The following ZNF385D variants were observed in gnomAD, a reference collection of about 807,000 sequenced individuals.
ZNF385D encodes zinc finger protein 385D, also known as zinc finger protein 659.
A neutral mutation model predicts 35.8 loss-of-function variants in ZNF385D; 15 were observed. The observed-to-expected ratio is 0.42, with a 90% confidence interval of 0.28 to 0.64. ZNF385D has a LOEUF of 0.64. ZNF385D is among the 30% of genes least tolerant of loss of function. The probability of loss-of-function intolerance (pLI) is 0.23; values close to 1 mark genes in which losing one functional copy is unlikely to be tolerated. For missense variants in ZNF385D, 474 were observed against 494.6 expected (o/e 0.96, Z 0.39); for synonymous variants, 212 against 186.8 (o/e 1.13, Z -1.10).
chr3:21,909,267 G>C (rs560691633), intron 3 of ZNF385D, among the ~76,000 whole-genome samples: 1 of 152,024 alleles, frequency 6.6e-6, no homozygotes, highest in South Asian at 2.1e-4. Flanking sequence ...CTCTGTCACT[G>C]CACAAAATAC....
chr3:21,902,582 G>A (rs979674295), intron 3 of ZNF385D, among the ~76,000 whole-genome samples: 1 of 152,146 alleles, frequency 6.6e-6, no homozygotes, highest in South Asian at 2.1e-4. Context: ...GGTTCTCCAG[G>A]AGTAGAAATT....
chr3:21,548,275 C>G (rs1312271464), intron 3 of ZNF385D, among the ~76,000 whole-genome samples: 1 of 152,272 alleles, frequency 6.6e-6, no homozygotes, highest in Admixed American at 6.5e-5. Context: ...CTGTTTCTAC[C>G]TTCATTTCCT....
chr3:22,290,609 C>T (rs566431646), intron 2 of ZNF385D, among the ~76,000 whole-genome samples: 9 of 152,280 alleles, frequency 5.9e-5, no homozygotes, highest in African/African-American at 2.2e-4. Flanking sequence ...GCCCCTCCTT[C>T]TTGTTCTGTC....
At chr3:21,792,985 G>A (rs1575659341) in intron 3 of ZNF385D, among the ~76,000 whole-genome samples, 1 of 152,238 alleles carries the variant, frequency 6.6e-6, no homozygotes, top group Non-Finnish European at 1.5e-5. Flanking sequence ...CCTACATAAT[G>A]CAAATAACAT....
chr3:22,244,394 G>GA (rs1699663916), intron 2 of ZNF385D, among the ~76,000 whole-genome samples: 1 of 92,668 alleles, frequency 1.1e-5, no homozygotes, highest in African/African-American at 4.0e-5. Flanking sequence ...AAAAAAAAAT[G>GA]AAAACATAAA....
intron 2 of ZNF385D, among the ~76,000 whole-genome samples, chr3:22,178,393 G>A (rs562319400): frequency 1.3e-5 from 2 of 152,326 alleles, no homozygotes; most frequent in Admixed American, 6.5e-5. Context: ...CTTTTGAGAA[G>A]TGTCTGTGCA....
At chr3:21,651,773 T>C (rs1464886451) in intron 2 of ZNF385D, among the ~76,000 whole-genome samples, 3 of 152,196 alleles carry the variant, frequency 2.0e-5, no homozygotes, top group African/African-American at 7.2e-5. Flanking sequence ...AGTGCTCATC[T>C]AAAAACTAGA....
chr3:21,813,351 T>C (rs193235563), intron 3 of ZNF385D, among the ~76,000 whole-genome samples: 2 of 152,288 alleles, frequency 1.3e-5, no homozygotes, highest in East Asian at 3.9e-4. Flanking sequence ...AAGAATGACT[T>C]TGACGAGTTG....
chr3:21,546,490 TGGA>T (rs2062375173), intron 3 of ZNF385D, among the ~76,000 whole-genome samples: 1 of 152,042 alleles, frequency 6.6e-6, no homozygotes, highest in Non-Finnish European at 1.5e-5. Flanking sequence ...TCTCCCTTGT[TGGA>T]GGAGGACTCA....
intron 2 of ZNF385D, among the ~76,000 whole-genome samples, chr3:22,192,654 C>G (rs1207366713): frequency 6.6e-6 from 1 of 152,168 alleles, no homozygotes; most frequent in Non-Finnish European, 1.5e-5. Flanking sequence ...TCATGGCCAA[C>G]ATCCTGACTA....
intron 2 of ZNF385D, among the ~76,000 whole-genome samples, chr3:21,567,505 T>TATCA (rs1201893439): frequency 1.3e-5 from 2 of 152,174 alleles, no homozygotes; most frequent in Non-Finnish European, 2.9e-5. Context: ...AGGATCATTC[T>TATCA]ATCACATCTA....
intron 3 of ZNF385D, among the ~76,000 whole-genome samples, chr3:21,975,852 C>T (rs1018559743): frequency 1.1e-4 from 16 of 151,168 alleles, no homozygotes; most frequent in Non-Finnish European, 2.2e-4. Context: ...GCAATCAATA[C>T]CTGTTCTTCC....
chr3:21,977,427 C>T (rs1703701840), intron 3 of ZNF385D, among the ~76,000 whole-genome samples: 1 of 152,098 alleles, frequency 6.6e-6, no homozygotes, highest in Non-Finnish European at 1.5e-5. Context: ...TTGTATTTGG[C>T]TTTCAAGGAA....
chr3:22,172,466 T>C (rs964214304), intron 2 of ZNF385D, among the ~76,000 whole-genome samples: 1 of 152,226 alleles, frequency 6.6e-6, no homozygotes, highest in African/African-American at 2.4e-5. Flanking sequence ...ATGTGGTTCT[T>C]GCAGTTGATT....
chr3:21,859,527 TAG>T (rs932190058), intron 3 of ZNF385D, among the ~76,000 whole-genome samples: 11 of 151,932 alleles, frequency 7.2e-5, no homozygotes, highest in Admixed American at 6.6e-4. Context: ...GCCCGTGGAA[TAG>T]AGAGTTCAGG....
intron 3 of ZNF385D, among the ~76,000 whole-genome samples, chr3:21,768,574 CTA>C (rs2070934858): frequency 6.6e-6 from 1 of 151,946 alleles, no homozygotes; most frequent in Non-Finnish European, 1.5e-5. Flanking sequence ...CAACACAGCC[CTA>C]TGACAGGCAG....
At chr3:22,337,222 C>T (rs1365092940) in intron 2 of ZNF385D, among the ~76,000 whole-genome samples, 1 of 151,736 alleles carries the variant, frequency 6.6e-6, no homozygotes, top group Non-Finnish European at 1.5e-5. Flanking sequence ...CTCCACATTT[C>T]ATCAAAACAA....
chr3:21,943,560 T>C (rs1701636612), intron 3 of ZNF385D, among the ~76,000 whole-genome samples: 1 of 150,506 alleles, frequency 6.6e-6, no homozygotes, highest in South Asian at 2.1e-4. Flanking sequence ...TAGATTAAAT[T>C]ATAAAAGAAA....
At chr3:21,999,326 A>C (rs986155837) in intron 3 of ZNF385D, among the ~76,000 whole-genome samples, 2 of 152,054 alleles carry the variant, frequency 1.3e-5, no homozygotes, top group Admixed American at 6.5e-5. Flanking sequence ...ACAAAACAAA[A>C]ATTTTTTTTT....
Sources: allele counts gnomAD v4.1 joint callset (sites outside exome capture counted in the v4.1 genomes callset), GRCh38; gene constraint gnomAD v4.1.1; transcripts MANE v1.5; gene names NCBI Gene and HGNC (gene_info 2026-07-23, HGNC 2026-07-21).